Variants in PDSS2 observed in about 807,000 individuals in gnomAD.
The protein encoded by PDSS2 is decaprenyl diphosphate synthase subunit 2, also known as all trans-polyprenyl-diphosphate synthase PDSS2.
In PDSS2, 31 loss-of-function variants were observed where a neutral mutation model predicts 44.5. That is an observed-to-expected ratio of 0.70 (90% CI 0.52 to 0.94). The LOEUF (loss-of-function observed/expected upper bound fraction) is 0.94. PDSS2 is among the 40% of genes least tolerant of loss of function. The probability of loss-of-function intolerance (pLI) is 0.00; values close to 1 mark genes in which losing one functional copy is unlikely to be tolerated. For missense variants in PDSS2, 452 were observed against 482.2 expected (o/e 0.94, Z 0.59); for synonymous variants, 157 against 180.3 (o/e 0.87, Z 1.03).
At chr6:107,427,805 T>TA (rs1336341343) in intron 1 of PDSS2, among the ~76,000 whole-genome samples, 1 of 152,210 alleles carries the variant, frequency 6.6e-6, no homozygotes, top group African/African-American at 2.4e-5. Flanking sequence ...ATTGGATTGT[T>TA]ACTTTAAAAA....
At chr6:107,154,999 T>C (rs1284365375) in intron 7 of PDSS2, among the ~76,000 whole-genome samples, 2 of 152,142 alleles carry the variant, frequency 1.3e-5, no homozygotes, top group Non-Finnish European at 2.9e-5. Flanking sequence ...AGCAGCACAA[T>C]AGGTTCCAAT....
chr6:107,458,412 CAAAAAAA>C lies in PDSS2; in HGVS notation c.296+571_296+577del, dbSNP rs60758453. 3.9e-3 allele frequency among the ~76,000 whole-genome samples: 302 copies of C among 78,104 alleles called. 14 individuals carry two copies. The highest frequency in any genetic ancestry group is 5.2e-3 in the Non-Finnish European group (212 of 40,392). The allele number at this position is 78,104 out of a possible 152,430, so 51.2% of individuals were successfully genotyped here. On this transcript the variant is annotated intron_variant, in intron 1 of 7. Coordinates refer to ENST00000369037, the MANE Select transcript of PDSS2 (RefSeq NM_020381.4). ...TGGGCGACAAAGCGAGACTCCGTCT[CAAAAAAA>C]AAAAAAAAAAAAACTTTTATAAATC... is the stretch of plus-strand genomic sequence containing the variant.
intron 7 of PDSS2, among the ~76,000 whole-genome samples, chr6:107,180,648 G>A (rs550492834): frequency 1.5e-4 from 23 of 152,224 alleles, no homozygotes; most frequent in African/African-American, 4.3e-4. Flanking sequence ...CATGCTTACC[G>A]TCAAGAACTG....
At chr6:107,397,682 A>G (rs1280226145) in intron 1 of PDSS2, among the ~76,000 whole-genome samples, 1 of 152,192 alleles carries the variant, frequency 6.6e-6, no homozygotes, top group Non-Finnish European at 1.5e-5. Context: ...TTGAATGTTT[A>G]ATAGGTGTTT....
intron 1 of PDSS2, among the ~76,000 whole-genome samples, chr6:107,439,458 A>G (rs1583087428): frequency 6.6e-6 from 1 of 152,224 alleles, no homozygotes; most frequent in Non-Finnish European, 1.5e-5. Context: ...CCTTACAACC[A>G]TATTCCTGCT....
At chr6:107,437,403 T>C (rs1226926485) in intron 1 of PDSS2, among the ~76,000 whole-genome samples, 2 of 151,810 alleles carry the variant, frequency 1.3e-5, no homozygotes, top group South Asian at 2.1e-4. Flanking sequence ...CGCACACCTA[T>C]AGTCCCAGCT....
intron 1 of PDSS2, among the ~76,000 whole-genome samples, chr6:107,402,158 T>G (rs185213116): frequency 1.3e-5 from 2 of 151,774 alleles, no homozygotes; most frequent in Admixed American, 1.3e-4. Context: ...TGGGTGCCCA[T>G]AATCCCAGCT....
At chr6:107,397,378 C>A (rs1160695401) in intron 1 of PDSS2, among the ~76,000 whole-genome samples, 1 of 152,064 alleles carries the variant, frequency 6.6e-6, no homozygotes, top group Non-Finnish European at 1.5e-5. Flanking sequence ...GTGCCATATA[C>A]CCACAGTAAG....
At chr6:107,422,114 T>C (rs1248246112) in intron 1 of PDSS2, among the ~76,000 whole-genome samples, 1 of 150,646 alleles carries the variant, frequency 6.6e-6, no homozygotes, top group Admixed American at 6.6e-5. Context: ...TTAAAACATT[T>C]GACAAAAAGA....
At chr6:107,263,106 T>C (rs1242389023) in intron 3 of PDSS2, among the ~76,000 whole-genome samples, 3 of 152,172 alleles carry the variant, frequency 2.0e-5, no homozygotes, top group African/African-American at 7.2e-5. Flanking sequence ...TGTTTTCCTA[T>C]TTTATTTATT....
intron 7 of PDSS2, among the ~76,000 whole-genome samples, chr6:107,159,583 A>AT (rs1771049024): frequency 6.6e-6 from 1 of 151,538 alleles, no homozygotes; most frequent in Non-Finnish European, 1.5e-5. Flanking sequence ...TGCCCGGCTA[A>AT]TTTTTTGTAT....
intron 3 of PDSS2, among the ~76,000 whole-genome samples, chr6:107,246,976 T>C (rs966776976): frequency 3.3e-5 from 5 of 152,180 alleles, no homozygotes; most frequent in Admixed American, 3.3e-4. Context: ...TGTTACCACA[T>C]GAGTTGAGTT....
intron 1 of PDSS2, among the ~76,000 whole-genome samples, chr6:107,434,649 T>C (rs557281805): frequency 6.6e-6 from 1 of 152,208 alleles, no homozygotes; most frequent in Non-Finnish European, 1.5e-5. Context: ...AGTACAAAAA[T>C]ATCGTTAAAA....
chr6:107,386,143 A>T (rs919503751), intron 1 of PDSS2, among the ~76,000 whole-genome samples: 1 of 152,182 alleles, frequency 6.6e-6, no homozygotes, highest in East Asian at 1.9e-4. Context: ...AACACATTTA[A>T]AGAAACTAAG....
intron 1 of PDSS2, among the ~76,000 whole-genome samples, chr6:107,431,784 C>A (rs541765253): frequency 6.6e-6 from 1 of 152,108 alleles, no homozygotes; most frequent in African/African-American, 2.4e-5. Context: ...AACAGTTAAT[C>A]TAAACATTTT....
At chr6:107,402,552 TAA>T (rs1554276835) in intron 1 of PDSS2, among the ~76,000 whole-genome samples, 4,615 of 23,564 alleles carry the variant, frequency 0.2, 342 homozygotes, top group African/African-American at 0.29. Context: ...TATATATATA[TAA>T]AAATATATAT....
chr6:107,260,431 T>C (rs1200193984), intron 3 of PDSS2, among the ~76,000 whole-genome samples: 2 of 152,210 alleles, frequency 1.3e-5, no homozygotes, highest in Admixed American at 6.5e-5. Context: ...GAGCTATATG[T>C]GGCTATCAAT....
intron 1 of PDSS2, among the ~76,000 whole-genome samples, chr6:107,424,639 CTT>C (rs1780932573): frequency 6.6e-6 from 1 of 152,120 alleles, no homozygotes; most frequent in South Asian, 2.1e-4. Flanking sequence ...ATTGCATTCT[CTT>C]TGTCTTCCTG....
At chr6:107,190,551 G>A (rs1242940281) in intron 7 of PDSS2, among the ~76,000 whole-genome samples, 3 of 152,198 alleles carry the variant, frequency 2.0e-5, no homozygotes, top group African/African-American at 7.2e-5. Context: ...TAATATAACA[G>A]AGTAAGAGCA....
Sources: gnomAD v4.1 joint callset for allele counts (sites outside exome capture counted in the v4.1 genomes callset) on GRCh38, gnomAD v4.1.1 for gene constraint, MANE v1.5 for transcripts, NCBI Gene and HGNC (gene_info 2026-07-23, HGNC 2026-07-21) for gene names.